The following DDX25 variants were observed in gnomAD, a reference collection of about 807,000 sequenced individuals.
The protein encoded by DDX25 is DEAD-box helicase 25, also known as ATP-dependent RNA helicase DDX25.
A neutral mutation model predicts 64.6 loss-of-function variants in DDX25; 70 were observed. That is an observed-to-expected ratio of 1.08 (90% CI 0.89 to 1.32). DDX25 has a LOEUF of 1.32. Ranked by LOEUF, DDX25 falls within the 40% of genes most tolerant of loss-of-function variation. The pLI, the probability that DDX25 is intolerant of heterozygous loss-of-function variation, is 0.00. For missense variants in DDX25, 587 were observed against 604.4 expected (o/e 0.97, Z 0.30); for synonymous variants, 211 against 213.3 (o/e 0.99, Z 0.09).
In DDX25 at chr11:125,905,241, C is replaced by G. The variant is rs1454622724; in HGVS notation, c.93C>G (p.Asn31Lys). ...CAAACCTCAGCCAACCCCGGAAGAA[C>G]CTTTGGGGTATTAAGAGTACTGCAG... The part of the protein sequence containing the change: ...HFSNLSQPRK[N>K]LWGIKSTAVR... Residue 31 changes from asparagine to lysine, a missense_variant, in exon 2 of 12, where the codon AAC becomes AAG. Coordinates refer to ENST00000263576, the MANE Select transcript of DDX25 (RefSeq NM_013264.5). The G allele has an allele frequency of 6.4e-7, 1 of 1,551,620 alleles. No individual in the cohort carries two copies. The highest frequency in any genetic ancestry group is 2.0e-5 in the Admixed American group (1 of 50,992).
intron 4 of DDX25, 25 bp downstream of exon 4, chr11:125,906,234 T>A: frequency 6.6e-7 from 1 of 1,520,336 alleles, no homozygotes; most frequent in Non-Finnish European, 8.8e-7. Context: ...TCTTTTAATA[T>A]GGGAAAAATG....
intron 8 of DDX25, among the ~76,000 whole-genome samples, chr11:125,915,491 A>G (rs1945025923): frequency 1.3e-5 from 2 of 152,208 alleles, no homozygotes; most frequent in Non-Finnish European, 2.9e-5. Flanking sequence ...TTCTTTCCTT[A>G]TGTATTATAT....
intron 1 of DDX25, 168 bp downstream of exon 1, chr11:125,904,748 C>T (rs867604581): frequency 4.9e-6 from 4 of 819,564 alleles, no homozygotes; most frequent in African/African-American, 1.7e-5. Context: ...AGGGAGACCC[C>T]GTCCCCACCC....
rs1456331985 is a variant in DDX25, at chr11:125,928,452, A to T, written c.*5571A>T. The stretch of plus-strand genomic sequence containing the variant: ...AAATATCTTCTCGCCCAATATTCCG[A>T]ATTATTTCTTAAGATTAGAGACATT... On this transcript the variant is annotated 3_prime_UTR_variant, in exon 12 of 12. Coordinates refer to ENST00000263576, the MANE Select transcript of DDX25 (RefSeq NM_013264.5). The T allele has an allele frequency of 6.6e-6, 1 of 152,158 alleles. No homozygotes were observed. Among genetic ancestry groups the T allele is most frequent in the African/African-American group, 2.4e-5 (1 of 41,440 alleles). The allele number at this position is 152,158 out of a possible 1,614,324, so 9.4% of individuals were successfully genotyped here.
rs117844430 is a variant in DDX25, at chr11:125,905,765, T to C, written c.175+168T>C. On this transcript the variant is annotated intron_variant, in intron 3 of 11. Coordinates refer to ENST00000263576, the MANE Select transcript of DDX25 (RefSeq NM_013264.5). Reference sequence around the variant, plus strand: ...CTAAATTAGGAGTAAGGTGTATTTATTTAAAGGAAGTTGAAATGGAATATG... The same window carrying C: ...CTAAATTAGGAGTAAGGTGTATTTACTTAAAGGAAGTTGAAATGGAATATG... Among the ~76,000 whole-genome samples the C allele has an allele frequency of 1.8e-3, 274 of 152,328 alleles. 1 individual carries two copies. The highest frequency in any genetic ancestry group is 2.7e-3 in the Non-Finnish European group (186 of 68,014).
In DDX25 at chr11:125,905,259, T is replaced by A. The variant is rs1020166167; in HGVS notation, c.111T>A (p.Ser37Arg). Residue 37 changes from serine (S) to arginine (R), a missense_variant, in exon 2 of 12, where the codon AGT becomes AGA. By Grantham distance (110) the Ser-to-Arg change is moderately radical. Coordinates refer to ENST00000263576, the MANE Select transcript of DDX25 (RefSeq NM_013264.5). ...QPRKNLWGIKSTAVRNIDGSI... is the reference protein window; with the variant it reads ...QPRKNLWGIKRTAVRNIDGSI... Reference sequence around the variant, plus strand: ...GGAAGAACCTTTGGGGTATTAAGAGTACTGCAGTCCGAAACATAGGTGAGT... The same window carrying A: ...GGAAGAACCTTTGGGGTATTAAGAGAACTGCAGTCCGAAACATAGGTGAGT... The A allele has an allele frequency of 7.7e-6, 12 of 1,551,410 alleles. No homozygotes were observed. The African/African-American group carries it at 1.6e-4, about 21-fold the overall frequency.
intron 4 of DDX25, among the ~76,000 whole-genome samples, chr11:125,906,482 A>T (rs538724261): frequency 1.3e-5 from 2 of 152,014 alleles, no homozygotes; most frequent in Admixed American, 1.3e-4. Context: ...CGCCCAGTTA[A>T]TTTTTAATAT....
intron 8 of DDX25, among the ~76,000 whole-genome samples, chr11:125,915,555 A>C (rs1427013721): frequency 2.0e-5 from 3 of 152,242 alleles, no homozygotes; most frequent in African/African-American, 7.2e-5. Context: ...ACTAAGCTTC[A>C]AACGAGACTA....
chr11:125,908,190 TGACAGAA>T lies in DDX25; in HGVS notation c.312-5_313del. 1 of 1,559,456 alleles carries T rather than the reference TGACAGAA, an allele frequency of 6.4e-7. No individual in the cohort carries two copies. Among genetic ancestry groups the T allele is most frequent in the Admixed American group, 2.0e-5 (1 of 49,982 alleles). On this transcript the variant is annotated splice_acceptor_variant and splice_polypyrimidine_tract_variant and coding_sequence_variant and intron_variant, in exon 5 of 12. Coordinates refer to ENST00000263576, the MANE Select transcript of DDX25 (RefSeq NM_013264.5). LOFTEE classifies it high-confidence loss of function. ...TCTGTAAGTGTTTGATTTTTTTTTTTGACAGAAAGGAAGAGTTACTAAAAGGAATCTA... is the reference window on the plus strand; with the variant it reads ...TCTGTAAGTGTTTGATTTTTTTTTTTAGGAAGAGTTACTAAAAGGAATCTA...
At position 125,911,461 on chromosome 11, in the gene DDX25, T is replaced by G; in HGVS notation, c.773T>G (p.Phe258Cys). The part of the protein sequence containing the change: ...EADVMIDTQG[F>C]SDHSIRIQRA... ...GATGTGATGATTGACACTCAAGGAT[T>G]CTCAGATCATAGTATTCGTATTCAA... The change falls in exon 8 of 12, where the codon TTC (phenylalanine) becomes TGC (cysteine). Residue 258 changes from phenylalanine (F) to cysteine (C), a missense_variant. Physicochemically the swap from Phe to Cys is radical, Grantham distance 205 (BLOSUM62 -2). Coordinates refer to ENST00000263576, the MANE Select transcript of DDX25 (RefSeq NM_013264.5). 1 of 1,613,936 alleles carries G rather than the reference T, an allele frequency of 6.2e-7. No individual in the cohort carries two copies. The highest frequency in any genetic ancestry group is 8.5e-7 in the Non-Finnish European group (1 of 1,179,848).
In DDX25 at chr11:125,917,017, T is replaced by C; in HGVS notation, c.804T>C (p.Ala268=). The change falls in exon 9 of 12, where the codon GCT becomes GCC. Residue 268 remains alanine (A), a synonymous_variant. Coordinates refer to ENST00000263576, the MANE Select transcript of DDX25 (RefSeq NM_013264.5). ...AGCCTTCTCTCCTCTATCACAGAGC[T>C]CTACCCTCCGAATGCCAAATGCTCC... is the stretch of plus-strand genomic sequence containing the variant. ...FSDHSIRIQR[A]LPSECQMLLF... 3.1e-6 allele frequency: 5 copies of C among 1,589,106 alleles called. No individual in the cohort carries two copies. Among genetic ancestry groups the C allele is most frequent in the Non-Finnish European group, 4.3e-6 (5 of 1,167,262 alleles).
rs1450812331 is a variant in DDX25 at position 125,923,115 on chromosome 11, T to C, written c.*234T>C. The C allele has an allele frequency of 2.0e-6, 1 of 507,152 alleles. No individual in the cohort carries two copies. Among genetic ancestry groups the C allele is most frequent in the African/African-American group, 1.9e-5 (1 of 51,816 alleles). The allele number at this position is 507,152 out of a possible 1,614,324, so 31.4% of individuals were successfully genotyped here. A position where few individuals can be genotyped will look rare whatever the true frequency, so the allele number is the denominator to read the frequency against. On this transcript the variant is annotated 3_prime_UTR_variant, in exon 12 of 12. Coordinates refer to ENST00000263576, the MANE Select transcript of DDX25 (RefSeq NM_013264.5). ...CAAGATTATTTCTTATTCTAATCTT[T>C]GTACAGGTAATGTCTCAATGTGGGC...
chr11:125,910,225 C>T, intron 6 of DDX25, 139 bp from the exon 7 acceptor site: 1 of 655,858 alleles, frequency 1.5e-6, no homozygotes, highest in Non-Finnish European at 2.7e-6. Context: ...TAAACTGTAT[C>T]CAATTAAAAA....
intron 8 of DDX25, among the ~76,000 whole-genome samples, chr11:125,916,184 G>A (rs749724300): frequency 3.3e-5 from 5 of 152,116 alleles, no homozygotes; most frequent in African/African-American, 4.8e-5. Context: ...CAAAAGAGCC[G>A]ATTTCCCTCT....
At position 125,910,377 on chromosome 11, in the gene DDX25, C is replaced by G. The variant is rs1364498249; in HGVS notation, c.521C>G (p.Ala174Gly). 1.2e-6 allele frequency: 2 copies of G among 1,613,938 alleles called. No individual in the cohort carries two copies. The highest frequency in any genetic ancestry group is 1.7e-6 in the Non-Finnish European group (2 of 1,179,836). ...LELFPQCLCLAPTYELALQTG... is the reference protein window; with the variant it reads ...LELFPQCLCLGPTYELALQTG... ...TCTATCCCACAGTGCCTCTGCCTAG[C>G]TCCTACTTATGAATTGGCTCTGCAA... Residue 174 changes from alanine to glycine, a missense_variant, in exon 7 of 12, where the codon GCT becomes GGT. Coordinates refer to ENST00000263576, the MANE Select transcript of DDX25 (RefSeq NM_013264.5).
At chr11:125,916,157 G>A (rs974156015) in intron 8 of DDX25, among the ~76,000 whole-genome samples, 1 of 152,120 alleles carries the variant, frequency 6.6e-6, no homozygotes, top group Non-Finnish European at 1.5e-5. Flanking sequence ...ATTCCTCAAA[G>A]TGCTCTGTCT....
intron 10 of DDX25, among the ~76,000 whole-genome samples, chr11:125,919,543 GA>G (rs1167447633): frequency 2.9e-5 from 4 of 138,674 alleles, no homozygotes; most frequent in Admixed American, 8.0e-5. Flanking sequence ...GACTACTGGT[GA>G]AAAAAATCCT....
chr11:125,905,541 C>T lies in DDX25; in HGVS notation c.131-12C>T, dbSNP rs1420144103. 6.4e-7 allele frequency: 1 copy of T among 1,550,722 alleles called. No homozygotes were observed. The highest frequency in any genetic ancestry group is 1.2e-5 in the South Asian group (1 of 83,886). On this transcript the variant is annotated splice_polypyrimidine_tract_variant and intron_variant, in intron 2 of 11. Coordinates refer to ENST00000263576, the MANE Select transcript of DDX25 (RefSeq NM_013264.5). ...GTCTTTACTTGTATTGTTTCTCTTC[C>T]ATCCTTTCCAGATGGTTCTATTAAT...
chr11:125,913,717 T>C (rs148794610), intron 8 of DDX25, among the ~76,000 whole-genome samples: 1 of 152,212 alleles, frequency 6.6e-6, no homozygotes, highest in Non-Finnish European at 1.5e-5. Context: ...AGGTCTTTTT[T>C]CATTCATCAT....
Sources: gnomAD v4.1 joint callset for allele counts (sites outside exome capture counted in the v4.1 genomes callset) on GRCh38, gnomAD v4.1.1 for gene constraint, MANE v1.5 for transcripts, NCBI Gene and HGNC (gene_info 2026-07-23, HGNC 2026-07-21) for gene names.